IGF2: variants seen among roughly 807,000 people sequenced by gnomAD.
IGF2 encodes the protein insulin-like growth factor 2.
Under a neutral mutation model 12.0 loss-of-function variants are expected in IGF2, and 2 were observed. The ratio of observed to expected loss-of-function variants is 0.17; its 90% confidence interval spans 0.07 to 0.52. IGF2 has a LOEUF of 0.52. Among genes scored for constraint, IGF2 ranks in the 20% least tolerant of loss-of-function variants. IGF2 has a pLI of 0.95. For synonymous variants in IGF2, 105 were observed against 110.1 expected (o/e 0.95, Z 0.29); for missense variants, 211 against 268.0 (o/e 0.79, Z 1.48).
chr11:2,132,875 CAGGGGG>C lies in IGF2; in HGVS notation c.*106_*111del, dbSNP rs1858706775. On this transcript the variant is annotated 3_prime_UTR_variant, in exon 4 of 4. Transcript: ENST00000416167. ...ACGGGGACTGGGTCAGGAGAAGCCC[CAGGGGG>C]ACGTGGAACCGAGAGATTTTCGGGA... is the stretch of plus-strand genomic sequence containing the variant. 5.2e-5 allele frequency: 40 copies of C among 764,270 alleles called. 1 individual carries two copies. The South Asian group carries it at 7.0e-4, about 13-fold the overall frequency. 47.3% of individuals were successfully genotyped at this position (764,270 alleles called of 1,614,324 possible). A position where few individuals can be genotyped will look rare whatever the true frequency, so the allele number is the denominator to read the frequency against.
rs776260679 is a variant in IGF2 at position 2,138,388 on chromosome 11, T to TGG, written c.-168_-167dup. 343 of 129,352 alleles carry TGG rather than the reference T, an allele frequency of 2.7e-3. 1 individual carries two copies. Among genetic ancestry groups the TGG allele is most frequent in the Admixed American group, 3.6e-3 (23 of 6,456 alleles). 8.0% of individuals were successfully genotyped at this position (129,352 alleles called of 1,614,324 possible). A position where few individuals can be genotyped will look rare whatever the true frequency, so the allele number is the denominator to read the frequency against. On this transcript the variant is annotated 5_prime_UTR_variant, in exon 1 of 4. Coordinates refer to ENST00000416167, the MANE Select transcript of IGF2 (RefSeq NM_000612.6). Reference sequence around the variant, plus strand: ...GCAGAGCGGGGGGATGGCTTTTTTTTGGGGGGGGGGGGAGAATTCGTCTGA... The same window carrying TGG: ...GCAGAGCGGGGGGATGGCTTTTTTTTGGGGGGGGGGGGGGAGAATTCGTCTGA...
chr11:2,137,717 G>A (rs1859179930), intron 1 of IGF2, among the ~76,000 whole-genome samples: 1 of 152,170 alleles, frequency 6.6e-6, no homozygotes, highest in Non-Finnish European at 1.5e-5. Context: ...GTGTGGGGGA[G>A]ATGTCGCGAA....
At chr11:2,142,837 G>A (rs1289907614), upstream of IGF2, among the ~76,000 whole-genome samples, 2 of 152,186 alleles carry the variant, frequency 1.3e-5, no homozygotes, top group Non-Finnish European at 2.9e-5. The surrounding 1 kb of genome is among the most constrained non-coding windows in gnomAD (Gnocchi z 5.7). Flanking sequence ...TGTGCTTGGT[G>A]TAGCCCAGAG....
chr11:2,145,433 G>A (rs550869694), upstream of IGF2, among the ~76,000 whole-genome samples: 2 of 152,350 alleles, frequency 1.3e-5, no homozygotes, highest in East Asian at 1.9e-4. Context: ...TCTCCTCCAC[G>A]CCTGCTTCCC....
chr11:2,148,860 A>C, the IGF2 span: 1 of 523,352 alleles, frequency 1.9e-6, no homozygotes, highest in Non-Finnish European at 3.4e-6. This position sits in a 1 kb window ranked among gnomAD's most constrained non-coding sequence, Gnocchi z 4.3. Flanking sequence ...GAATTAGTCA[A>C]GGAAAACCTA....
chr11:2,149,204 GCT>G, the IGF2 span: 1 of 1,613,396 alleles, frequency 6.2e-7, no homozygotes, highest in Non-Finnish European at 8.5e-7. Context: ...GGTGCCCAAG[GCT>G]CTCTGCCGAA....
At chr11:2,140,521 C>A, upstream of IGF2, 1 of 550,716 alleles carries the variant, frequency 1.8e-6, no homozygotes, top group Non-Finnish European at 3.2e-6. Flanking sequence ...GTCCTAGGCC[C>A]GCGGGCTAGA....
upstream of IGF2, among the ~76,000 whole-genome samples, chr11:2,142,164 C>T (rs553142343): frequency 1.3e-5 from 2 of 151,304 alleles, no homozygotes; most frequent in South Asian, 2.1e-4. The surrounding 1 kb of genome is among the most constrained non-coding windows in gnomAD (Gnocchi z 5.7). Flanking sequence ...GTAGGGGGAC[C>T]CAGGGCAGGG....
Position 2,138,784 on chromosome 11 carries a change from C to T in IGF2, c.-562G>A. 1 of 926,852 alleles carries T rather than the reference C, an allele frequency of 1.1e-6. No individual in the cohort carries two copies. Among genetic ancestry groups the T allele is most frequent in the African/African-American group, 2.1e-5 (1 of 47,612 alleles). The allele number at this position is 926,852 out of a possible 1,614,324, so 57.4% of individuals were successfully genotyped here. On this transcript the variant is annotated 5_prime_UTR_variant, in exon 1 of 4. Transcript: ENST00000416167. The stretch of plus-strand genomic sequence containing the variant: ...AGGTTGCGGGAGAAAGAGCGGGGGC[C>T]GGGGCCAGACGCCAAGAGGGGCGCG...
upstream of IGF2, among the ~76,000 whole-genome samples, chr11:2,145,471 G>T (rs775825509): frequency 1.3e-5 from 2 of 152,256 alleles, no homozygotes; most frequent in East Asian, 1.9e-4. Context: ...GGCATCGGGG[G>T]TGAGCCCCAG....
chr11:2,147,362 C>T, the IGF2 span: 1 of 388,506 alleles, frequency 2.6e-6, no homozygotes, highest in Non-Finnish European at 4.5e-6. The surrounding 1 kb of genome is among the most constrained non-coding windows in gnomAD (Gnocchi z 7.2). Flanking sequence ...CTGCGGGGAA[C>T]CTGCTCTGCC....
chr11:2,149,089 C>T, the IGF2 span: 7 of 1,590,544 alleles, frequency 4.4e-6, no homozygotes, highest in Non-Finnish European at 5.2e-6. Flanking sequence ...TAAAGTGCAG[C>T]TTTTCTCTCA....
chr11:2,138,778 GGGGGCC>G lies in IGF2; in HGVS notation c.-562_-557del. ...AAGGGAAGGTTGCGGGAGAAAGAGC[GGGGGCC>G]GGGGCCAGACGCCAAGAGGGGCGCG... is the stretch of plus-strand genomic sequence containing the variant. On this transcript the variant is annotated 5_prime_UTR_variant, in exon 1 of 4. Coordinates refer to ENST00000416167, the MANE Select transcript of IGF2 (RefSeq NM_000612.6). The G allele has an allele frequency of 8.4e-6, 8 of 950,084 alleles. No homozygotes were observed. The highest frequency in any genetic ancestry group is 4.9e-5 in the South Asian group (1 of 20,512). The allele number at this position is 950,084 out of a possible 1,614,324, so 58.9% of individuals were successfully genotyped here. A position where few individuals can be genotyped will look rare whatever the true frequency, so the allele number is the denominator to read the frequency against.
chr11:2,132,105 T>C lies in IGF2; in HGVS notation c.*882A>G, dbSNP rs1470999543. On this transcript the variant is annotated 3_prime_UTR_variant, in exon 4 of 4. Transcript: ENST00000416167. ...GCGTGTGCTGTGTGTTGTGTGTGTGTAGCTGCGGGGATGCATAAAGTATGA... is the reference window on the plus strand; with the variant it reads ...GCGTGTGCTGTGTGTTGTGTGTGTGCAGCTGCGGGGATGCATAAAGTATGA... 3 of 211,014 alleles carry C rather than the reference T, an allele frequency of 1.4e-5. No homozygotes were observed. The highest frequency in any genetic ancestry group is 2.9e-5 in the Non-Finnish European group (3 of 104,224). 13.1% of individuals were successfully genotyped at this position (211,014 alleles called of 1,614,324 possible).
At position 2,129,608 on chromosome 11, in the gene IGF2, G is replaced by A; in HGVS notation, c.*3379C>T. 4.3e-6 allele frequency: 1 copy of A among 230,548 alleles called. No individual in the cohort carries two copies. The highest frequency in any genetic ancestry group is 8.6e-6 in the Non-Finnish European group (1 of 116,146). 14.3% of individuals were successfully genotyped at this position (230,548 alleles called of 1,614,324 possible). ...TCAGGCCAATGTGGGTTCCACAATT[G>A]TGACAATTTGGCTCTTTGGGCTTCT... On this transcript the variant is annotated 3_prime_UTR_variant, in exon 4 of 4. Transcript: ENST00000416167. The surrounding 1 kb of genome is among the most constrained non-coding windows in gnomAD (Gnocchi z 8.1).
At chr11:2,149,076 A>G in the IGF2 span, 1 of 1,560,868 alleles carries the variant, frequency 6.4e-7, no homozygotes, top group Non-Finnish European at 8.8e-7. Flanking sequence ...ACGCCTGAAC[A>G]CTTAAAGTGC....
At chr11:2,140,136 T>G (rs531342492), upstream of IGF2, 4 of 1,612,672 alleles carry the variant, frequency 2.5e-6, no homozygotes, top group African/African-American at 1.3e-5. Context: ...AAATCCTACC[T>G]GCATGGCCGA....
chr11:2,130,539 T>G lies in IGF2; in HGVS notation c.*2448A>C, dbSNP rs113798050. The G allele has an allele frequency of 8.1e-3, 1,520 of 188,594 alleles. 5 individuals are homozygous for G. Among genetic ancestry groups the G allele is most frequent in the Non-Finnish European group, 0.01 (1,024 of 101,652 alleles). 11.7% of individuals were successfully genotyped at this position (188,594 alleles called of 1,614,324 possible). The stretch of plus-strand genomic sequence containing the variant: ...GCCCCCCTGTTACATGGGGGGGGGG[T>G]TTAATTTGGTTTCTGAGCGCATAAA... On this transcript the variant is annotated 3_prime_UTR_variant, in exon 4 of 4. Coordinates refer to ENST00000416167, the MANE Select transcript of IGF2 (RefSeq NM_000612.6).
chr11:2,137,158 C>T lies in IGF2; in HGVS notation c.-7+1071G>A, dbSNP rs1564897981. On this transcript the variant is annotated intron_variant, in intron 1 of 3. Coordinates refer to ENST00000416167, the MANE Select transcript of IGF2 (RefSeq NM_000612.6). ...GCCTCAGGCTGGAGTGGGATGGCAG[C>T]GGGGGTCCTCACTCCACAGCCCTGG... 9.1e-6 allele frequency: 8 copies of T among 881,762 alleles called. No individual in the cohort carries two copies. In the Admixed American group the frequency reaches 1.9e-4, roughly 20 times the overall value. 54.6% of individuals were successfully genotyped at this position (881,762 alleles called of 1,614,324 possible). A position where few individuals can be genotyped will look rare whatever the true frequency, so the allele number is the denominator to read the frequency against.
Sources: allele counts gnomAD v4.1 joint callset (sites outside exome capture counted in the v4.1 genomes callset), GRCh38; gene constraint gnomAD v4.1.1; non-coding constraint Gnocchi (gnomAD v3.1); transcripts MANE v1.5; gene names NCBI Gene and HGNC (gene_info 2026-07-23, HGNC 2026-07-21).